The following TAFA2 variants were observed in gnomAD, a reference collection of about 807,000 sequenced individuals.
The protein encoded by TAFA2 is chemokine-like protein TAFA-2.
TAFA2 carries 7 observed loss-of-function variants against 18.8 expected under a neutral mutation model. The ratio of observed to expected loss-of-function variants is 0.37; its 90% CI spans 0.21 to 0.70. TAFA2 has a LOEUF of 0.70. TAFA2 is among the 30% of genes least tolerant of loss of function. The probability of loss-of-function intolerance (pLI) is 0.53; values close to 1 mark genes in which losing one functional copy is unlikely to be tolerated. For missense variants in TAFA2, 122 were observed against 158.1 expected (o/e 0.77, Z 1.23); for synonymous variants, 60 against 54.2 (o/e 1.11, Z -0.47).
chr12:61,976,981 C>T (rs1029339861), intron 1 of TAFA2, among the ~76,000 whole-genome samples: 1 of 152,070 alleles, frequency 6.6e-6, no homozygotes, highest in Admixed American at 6.6e-5. Flanking sequence ...CCGTAATAAA[C>T]ATACATGTGC....
At chr12:62,177,686 T>C (rs1202613675) in intron 1 of TAFA2, among the ~76,000 whole-genome samples, 1 of 152,184 alleles carries the variant, frequency 6.6e-6, no homozygotes, top group Non-Finnish European at 1.5e-5. Flanking sequence ...TATCTTCATC[T>C]AGGTGGGCTA....
chr12:61,744,033 T>C lies in TAFA2; in HGVS notation c.384+9589A>G, dbSNP rs141137541. On this transcript the variant is annotated intron_variant, in intron 4 of 4. Transcript: ENST00000416284. The stretch of plus-strand genomic sequence containing the variant: ...TTTAGTAACCAAAACCAGGTAAAAG[T>C]GTTGCCTCTCCCAGGAATGCTTACC... Among the ~76,000 whole-genome samples, 1,377 of 152,182 alleles carry C rather than the reference T, an allele frequency of 9.0e-3. 22 individuals carry two copies. Among genetic ancestry groups the C allele is most frequent in the African/African-American group, 0.032 (1,310 of 41,538 alleles).
intron 2 of TAFA2, among the ~76,000 whole-genome samples, chr12:61,829,612 A>G (rs886470148): frequency 6.6e-6 from 1 of 151,748 alleles, no homozygotes; most frequent in Non-Finnish European, 1.5e-5. Context: ...TAAATATATG[A>G]CAGCATATGA....
chr12:62,149,102 C>T (rs1245433), intron 1 of TAFA2, among the ~76,000 whole-genome samples: 147,942 of 152,330 alleles, frequency 0.97, 71,969 homozygotes, highest in Middle Eastern at 1. Context: ...CATTTATTAA[C>T]GTATCATTTG....
At chr12:61,712,577 ATCTT>A (rs1172468911) in intron 4 of TAFA2, among the ~76,000 whole-genome samples, 1 of 152,170 alleles carries the variant, frequency 6.6e-6, no homozygotes, top group Non-Finnish European at 1.5e-5. Context: ...TCATGATGAT[ATCTT>A]TCTATCAGCT....
intron 2 of TAFA2, among the ~76,000 whole-genome samples, chr12:61,802,619 T>C (rs1443216804): frequency 6.6e-6 from 1 of 150,752 alleles, no homozygotes; most frequent in Non-Finnish European, 1.5e-5. Context: ...AGAGGGGAGG[T>C]GATGATAAGA....
intron 1 of TAFA2, among the ~76,000 whole-genome samples, chr12:62,029,863 C>A (rs946849491): frequency 4.0e-5 from 6 of 151,874 alleles, no homozygotes; most frequent in Non-Finnish European, 7.4e-5. Flanking sequence ...CACACACACA[C>A]CCCATGCAGG....
intron 2 of TAFA2, among the ~76,000 whole-genome samples, chr12:61,760,365 AATATAT>A (rs71083956): frequency 8.2e-6 from 1 of 122,222 alleles, no homozygotes; most frequent in South Asian, 2.8e-4. Flanking sequence ...AAAATATCAA[AATATAT>A]ATATATATAT....
chr12:62,179,579 C>T (rs1193545511), intron 1 of TAFA2, among the ~76,000 whole-genome samples: 2 of 152,166 alleles, frequency 1.3e-5, no homozygotes, highest in African/African-American at 4.8e-5. Context: ...AGAGGTTTTA[C>T]AAGACTGAGG....
intron 1 of TAFA2, among the ~76,000 whole-genome samples, chr12:62,064,176 G>A (rs1355725861): frequency 6.6e-6 from 1 of 152,024 alleles, no homozygotes; most frequent in East Asian, 1.9e-4. Context: ...CTGAATCTGA[G>A]TTCATTTTTT....
intron 1 of TAFA2, among the ~76,000 whole-genome samples, chr12:62,118,049 C>T (rs777267997): frequency 3.9e-5 from 6 of 152,060 alleles, no homozygotes; most frequent in Non-Finnish European, 8.8e-5. Context: ...GCTCTGATTG[C>T]AACCCACATT....
At chr12:61,738,330 A>ACACCC (rs1565756844) in intron 4 of TAFA2, among the ~76,000 whole-genome samples, 1 of 37,328 alleles carries the variant, frequency 2.7e-5, no homozygotes, top group South Asian at 1.6e-3. Context: ...CACACACACA[A>ACACCC]ACCTAGCTCA....
At chr12:62,116,022 T>C (rs1193236231) in intron 1 of TAFA2, among the ~76,000 whole-genome samples, 2 of 152,196 alleles carry the variant, frequency 1.3e-5, no homozygotes, top group African/African-American at 4.8e-5. Flanking sequence ...GAAAGTAACA[T>C]TTTAAATAAA....
At chr12:62,075,309 A>T (rs895575499) in intron 1 of TAFA2, among the ~76,000 whole-genome samples, 1 of 152,230 alleles carries the variant, frequency 6.6e-6, no homozygotes, top group African/African-American at 2.4e-5. Flanking sequence ...AAAATCAGTT[A>T]TTCTTCTGAT....
At chr12:62,086,394 A>T (rs963553451) in intron 1 of TAFA2, among the ~76,000 whole-genome samples, 6 of 152,184 alleles carry the variant, frequency 3.9e-5, no homozygotes, top group African/African-American at 1.4e-4. Flanking sequence ...TGCCAATCAT[A>T]TACCTGATAA....
intron 1 of TAFA2, among the ~76,000 whole-genome samples, chr12:62,108,654 T>C (rs925222932): frequency 4.6e-5 from 7 of 152,228 alleles, no homozygotes; most frequent in Non-Finnish European, 8.8e-5. Flanking sequence ...ATCTGTTGTT[T>C]CCTGACTTTT....
intron 4 of TAFA2, among the ~76,000 whole-genome samples, chr12:61,747,120 C>T (rs550686261): frequency 8.5e-5 from 13 of 152,214 alleles, no homozygotes; most frequent in Admixed American, 2.6e-4. Context: ...TGAAAAAGTG[C>T]TCATCACTGG....
chr12:62,005,464 T>C (rs933149147), intron 1 of TAFA2, among the ~76,000 whole-genome samples: 3 of 152,138 alleles, frequency 2.0e-5, no homozygotes, highest in Non-Finnish European at 4.4e-5. Flanking sequence ...GAAATTCATA[T>C]AGAAAATAAT....
chr12:61,996,356 C>T (rs534839193), intron 1 of TAFA2, among the ~76,000 whole-genome samples: 10 of 152,210 alleles, frequency 6.6e-5, no homozygotes, highest in East Asian at 3.9e-4. Flanking sequence ...TTACTCCAAC[C>T]GATGTTTCAG....
Sources: allele counts gnomAD v4.1 joint callset (sites outside exome capture counted in the v4.1 genomes callset), GRCh38; gene constraint gnomAD v4.1.1; transcripts MANE v1.5; gene names NCBI Gene and HGNC (gene_info 2026-07-23, HGNC 2026-07-21).